The following ZNF575 variants were observed in gnomAD, a reference collection of about 807,000 sequenced individuals.
The protein encoded by ZNF575 is zinc finger protein 575.
A neutral mutation model predicts 17.5 loss-of-function variants in ZNF575; 17 were observed. That is an observed-to-expected ratio of 0.97 (90% CI 0.66 to 1.45). The LOEUF is 1.45. Ranked by LOEUF, ZNF575 falls within the 40% of genes most tolerant of loss-of-function variation. ZNF575 has a pLI of 0.00. For synonymous variants in ZNF575, 146 were observed against 158.3 expected (o/e 0.92, Z 0.58); for missense variants, 352 against 359.2 (o/e 0.98, Z 0.16).
At chr19:43,534,602 G>A (rs1023159352) in intron 3 of ZNF575, 101 bp downstream of exon 3, 1 of 1,154,720 alleles carries the variant, frequency 8.7e-7, no homozygotes, top group Non-Finnish European at 1.2e-6. Context: ...GAGGGCCCTA[G>A]GGTGATGACT....
At position 43,535,837 on chromosome 19, in the gene ZNF575, G is replaced by C; in HGVS notation, c.*150G>C. 1.2e-6 allele frequency: 1 copy of C among 860,744 alleles called. No individual in the cohort carries two copies. The highest frequency in any genetic ancestry group is 1.7e-6 in the Non-Finnish European group (1 of 574,762). The allele number at this position is 860,744 out of a possible 1,614,324, so 53.3% of individuals were successfully genotyped here. A position where few individuals can be genotyped will look rare whatever the true frequency, so the allele number is the denominator to read the frequency against. On this transcript the variant is annotated 3_prime_UTR_variant, in exon 4 of 4. Transcript: ENST00000314228. ...GCCATTTATACTGGGCTCGAGCTCA[G>C]AAGCCCGAGGAACTCTTTGCTCCCC...
upstream of ZNF575, chr19:43,531,842 G>A (rs1209054825): frequency 6.0e-6 from 4 of 668,040 alleles, no homozygotes; most frequent in East Asian, 2.8e-5. Flanking sequence ...CTGGAATGCA[G>A]TAACACAATC....
At position 43,535,446 on chromosome 19, in the gene ZNF575, G is replaced by A; in HGVS notation, c.497G>A (p.Arg166His). Residue 166 changes from arginine to histidine, a missense_variant, in exon 4 of 4, where the codon CGC (arginine) becomes CAC (histidine). By Grantham distance (29) the Arg-to-His change is conservative (BLOSUM62 0). Coordinates refer to ENST00000314228, the MANE Select transcript of ZNF575 (RefSeq NM_174945.3). ...TACCCTTCCAAGCTGGCGGCCCACC[G>A]CCACACGCACCACGCCACCGACGCC... ...FCYPSKLAAHRHTHHATDARP... is the reference protein window; with the variant it reads ...FCYPSKLAAHHHTHHATDARP... 1 of 1,343,004 alleles carries A rather than the reference G, an allele frequency of 7.4e-7. No homozygotes were observed. Among genetic ancestry groups the A allele is most frequent in the South Asian group, 1.2e-5 (1 of 86,830 alleles). The allele number at this position is 1,343,004 out of a possible 1,614,324, so 83.2% of individuals were successfully genotyped here.
In ZNF575 at chr19:43,533,268, AGCCTCT is replaced by A. The variant is rs1296671050; in HGVS notation, c.-444_-439del. On this transcript the variant is annotated 5_prime_UTR_variant, in exon 1 of 4. Transcript: ENST00000314228. ...TCCATTCCTTCTTCCCCCTCTCTGC[AGCCTCT>A]GCCAGCCCGCACTGCGCATGCTTTC... 3 of 152,254 alleles carry A rather than the reference AGCCTCT, an allele frequency of 2.0e-5. No individual in the cohort carries two copies. The highest frequency in any genetic ancestry group is 2.9e-5 in the Non-Finnish European group (2 of 68,122). 9.4% of individuals were successfully genotyped at this position (152,254 alleles called of 1,614,324 possible).
At chr19:43,534,751 G>T (rs1253564661) in intron 3 of ZNF575, among the ~76,000 whole-genome samples, 2 of 152,164 alleles carry the variant, frequency 1.3e-5, no homozygotes, top group South Asian at 4.1e-4. Flanking sequence ...GGATGTCAGG[G>T]TGATCACTGG....
chr19:43,534,580 G>A lies in ZNF575; in HGVS notation c.79+79G>A, dbSNP rs895792018. Reference sequence around the variant, plus strand: ...ATAATCACATTCTGGGGGAATCTCAGGGTGAAAATTTGAGGGCCCTAGGGT... The same window carrying A: ...ATAATCACATTCTGGGGGAATCTCAAGGTGAAAATTTGAGGGCCCTAGGGT... On this transcript the variant is annotated intron_variant, in intron 3 of 3. Coordinates refer to ENST00000314228, the MANE Select transcript of ZNF575 (RefSeq NM_174945.3). The A allele has an allele frequency of 4.4e-5, 59 of 1,344,416 alleles. No homozygotes were observed. The highest frequency in any genetic ancestry group is 1.1e-5 in the Non-Finnish European group (11 of 1,024,530). 83.3% of individuals were successfully genotyped at this position (1,344,416 alleles called of 1,614,324 possible). A position where few individuals can be genotyped will look rare whatever the true frequency, so the allele number is the denominator to read the frequency against.
Position 43,535,031 on chromosome 19 carries a change from C to T in ZNF575, c.82C>T (p.Pro28Ser). ...TGKEPVTKEAPHQGPPQKPSQ... is the reference protein window; with the variant it reads ...TGKEPVTKEASHQGPPQKPSQ... ...CCACCAGCCCTCCTGTCCCCCAGCT[C>T]CCCACCAGGGCCCACCGCAGAAGCC... The change falls in exon 4 of 4, where the codon CCC becomes TCC. Residue 28 changes from proline to serine, a missense_variant and splice_region_variant. Coordinates refer to ENST00000314228, the MANE Select transcript of ZNF575 (RefSeq NM_174945.3). 1 of 1,448,982 alleles carries T rather than the reference C, an allele frequency of 6.9e-7. No individual in the cohort carries two copies. The highest frequency in any genetic ancestry group is 9.0e-7 in the Non-Finnish European group (1 of 1,113,222). The allele number at this position is 1,448,982 out of a possible 1,614,324, so 89.8% of individuals were successfully genotyped here. A position where few individuals can be genotyped will look rare whatever the true frequency, so the allele number is the denominator to read the frequency against.
upstream of ZNF575, chr19:43,531,942 C>CTTTTTTTTTTTT (rs869122064): frequency 0.021 from 2,297 of 107,266 alleles, 312 homozygotes; most frequent in Non-Finnish European, 0.031. Flanking sequence ...TTAAGCCAGA[C>CTTTTTTTTTTTT]TTTTTTTTTT....
chr19:43,531,124 C>CAA (rs1200175640), upstream of ZNF575, among the ~76,000 whole-genome samples: 41 of 104,290 alleles, frequency 3.9e-4, no homozygotes, highest in South Asian at 1.2e-3. Context: ...ACCAAAAATA[C>CAA]AAAAAAAAAA....
Position 43,535,901 on chromosome 19 carries a change from G to A in ZNF575, c.*214G>A, listed in dbSNP as rs1972414903. On this transcript the variant is annotated 3_prime_UTR_variant, in exon 4 of 4. Coordinates refer to ENST00000314228, the MANE Select transcript of ZNF575 (RefSeq NM_174945.3). ...TCTCAAACCATGGACGTGGAGCTGTGGTTTGACAGCGCTGGCTCTGCTTCT... is the reference window on the plus strand; with the variant it reads ...TCTCAAACCATGGACGTGGAGCTGTAGTTTGACAGCGCTGGCTCTGCTTCT... 3 of 601,290 alleles carry A rather than the reference G, an allele frequency of 5.0e-6. No individual in the cohort carries two copies. The East Asian group carries it at 8.5e-5, about 17-fold the overall frequency. 37.2% of individuals were successfully genotyped at this position (601,290 alleles called of 1,614,324 possible).
At chr19:43,531,832 C>G (rs896417418), upstream of ZNF575, 8 of 690,054 alleles carry the variant, frequency 1.2e-5, no homozygotes, top group African/African-American at 1.2e-4. Context: ...GTTGCGCAGG[C>G]TGGAATGCAG....
Position 43,533,477 on chromosome 19 carries a change from G to A in ZNF575, c.-239G>A, listed in dbSNP as rs938448803. The A allele has an allele frequency of 6.6e-6, 1 of 152,138 alleles. No homozygotes were observed. Among genetic ancestry groups the A allele is most frequent in the Non-Finnish European group, 1.5e-5 (1 of 68,094 alleles). The allele number at this position is 152,138 out of a possible 1,614,324, so 9.4% of individuals were successfully genotyped here. Reference sequence around the variant, plus strand: ...CAGCGGCTGCGGCCGTGGCCGTGGCGGGAGGAGCCGGAAGCCCCGCCCCCG... The same window carrying A: ...CAGCGGCTGCGGCCGTGGCCGTGGCAGGAGGAGCCGGAAGCCCCGCCCCCG... On this transcript the variant is annotated 5_prime_UTR_variant, in exon 1 of 4. Transcript: ENST00000314228.
At position 43,535,575 on chromosome 19, in the gene ZNF575, C is replaced by CGACT. The variant is rs762040012; in HGVS notation, c.628_631dup (p.Ala211AspfsTer59). ...CCCCCAACCGCGCCCGGCAGCCAGG[C>CGACT]GACTGCCTGGCACCGATGCTCCAGC... On this transcript the variant is annotated frameshift_variant, in exon 4 of 4. Coordinates refer to ENST00000314228, the MANE Select transcript of ZNF575 (RefSeq NM_174945.3). LOFTEE classifies it high-confidence loss of function. 1 of 1,613,856 alleles carries CGACT rather than the reference C, an allele frequency of 6.2e-7. No homozygotes were observed. Among genetic ancestry groups the CGACT allele is most frequent in the Non-Finnish European group, 8.5e-7 (1 of 1,179,980 alleles).
At position 43,533,435 on chromosome 19, in the gene ZNF575, C is replaced by CCA. The variant is rs752125556; in HGVS notation, c.-281_-280insCA. 4 of 152,216 alleles carry CCA rather than the reference C, an allele frequency of 2.6e-5. No homozygotes were observed. The highest frequency in any genetic ancestry group is 2.6e-4 in the Admixed American group (4 of 15,298). 9.4% of individuals were successfully genotyped at this position (152,216 alleles called of 1,614,324 possible). On this transcript the variant is annotated 5_prime_UTR_variant, in exon 1 of 4. Transcript: ENST00000314228. ...CGGGGCAGCTCCGCTGGTCCGAGGG[C>CCA]AGTGCAGCAGCGGCGACAGCGGCTG...
At chr19:43,531,944 T>TC, upstream of ZNF575, 1 of 200,438 alleles carries the variant, frequency 5.0e-6, no homozygotes, top group African/African-American at 3.8e-5. Flanking sequence ...AAGCCAGACT[T>TC]TTTTTTTTTT....
rs779079849 is a variant in ZNF575 at position 43,535,683 on chromosome 19, A to G, written c.734A>G (p.Asp245Gly). 7 of 1,604,584 alleles carry G rather than the reference A, an allele frequency of 4.4e-6. No individual in the cohort carries two copies. Among genetic ancestry groups the G allele is most frequent in the Admixed American group, 3.4e-5 (2 of 58,894 alleles). The stretch of plus-strand genomic sequence containing the variant: ...CAGGTGGAGCACAAGGGGGAGAGAG[A>G]CTGAGCCCTCCCTTGGCTCACTGTC... Reference protein sequence around the residue: ...HHQVEHKGERD With the variant: ...HHQVEHKGERG Residue 245 changes from aspartate to glycine, a missense_variant, in exon 4 of 4, where the codon GAC becomes GGC. Coordinates refer to ENST00000314228, the MANE Select transcript of ZNF575 (RefSeq NM_174945.3).
In ZNF575 at chr19:43,534,390, C is replaced by T. The variant is rs1249741600; in HGVS notation, c.-33C>T. On this transcript the variant is annotated 5_prime_UTR_variant, in exon 3 of 4. Transcript: ENST00000314228. ...GTCATCACCGGCGTCACCCCCGCCC[C>T]GCGCCCTGCCCCTAGGTTCCTGTGC... The T allele has an allele frequency of 6.5e-6, 10 of 1,541,130 alleles. No individual in the cohort carries two copies. Among genetic ancestry groups the T allele is most frequent in the Non-Finnish European group, 8.7e-6 (10 of 1,143,506 alleles).
In ZNF575 at chr19:43,534,372, C is replaced by T. The variant is rs1695998580; in HGVS notation, c.-51C>T. ...CCTATCCCCATCAGCCTGGTCATCA[C>T]CGGCGTCACCCCCGCCCCGCGCCCT... On this transcript the variant is annotated 5_prime_UTR_variant, in exon 3 of 4. Transcript: ENST00000314228. 2 of 1,520,266 alleles carry T rather than the reference C, an allele frequency of 1.3e-6. No homozygotes were observed. The highest frequency in any genetic ancestry group is 1.8e-6 in the Non-Finnish European group (2 of 1,124,634). The allele number at this position is 1,520,266 out of a possible 1,614,324, so 94.2% of individuals were successfully genotyped here.
chr19:43,535,422 A>C lies in ZNF575; in HGVS notation c.473A>C (p.Tyr158Ser). ...CCCGACTGCCCCAAGTCCTTCTGCT[A>C]CCCTTCCAAGCTGGCGGCCCACCGC... is the stretch of plus-strand genomic sequence containing the variant. ...PCPDCPKSFC[Y>S]PSKLAAHRHT... Residue 158 changes from tyrosine to serine, a missense_variant, in exon 4 of 4, where the codon TAC (tyrosine) becomes TCC (serine). Physicochemically the swap from Tyr to Ser is moderately radical, Grantham distance 144. Transcript: ENST00000314228. 3 of 1,570,602 alleles carry C rather than the reference A, an allele frequency of 1.9e-6. No homozygotes were observed. The highest frequency in any genetic ancestry group is 2.6e-6 in the Non-Finnish European group (3 of 1,159,082).
Sources: gnomAD v4.1 joint callset for allele counts (sites outside exome capture counted in the v4.1 genomes callset) on GRCh38, gnomAD v4.1.1 for gene constraint, MANE v1.5 for transcripts, NCBI Gene and HGNC (gene_info 2026-07-23, HGNC 2026-07-21) for gene names.